Variants in NUGGC observed in about 807,000 individuals in gnomAD.
NUGGC encodes the protein nuclear GTPase SLIP-GC.
NUGGC carries 58 observed loss-of-function variants against 92.6 expected under a neutral mutation model. The ratio of observed to expected loss-of-function variants is 0.63; its 90% confidence interval spans 0.51 to 0.78. The LOEUF (loss-of-function observed/expected upper bound fraction) is 0.78, where lower values mean the gene tolerates loss of function less well. Among genes scored for constraint, NUGGC ranks in the 30% least tolerant of loss-of-function variants. The probability of loss-of-function intolerance (pLI) is 0.00; values close to 1 mark genes in which losing one functional copy is unlikely to be tolerated. For synonymous variants in NUGGC, 376 were observed against 366.4 expected (o/e 1.03, Z -0.30); for missense variants, 925 against 964.6 (o/e 0.96, Z 0.54).
At chr8:28,034,597 T>G (rs1306042531) in intron 13 of NUGGC, among the ~76,000 whole-genome samples, 2 of 152,078 alleles carry the variant, frequency 1.3e-5, no homozygotes, top group African/African-American at 4.8e-5. Context: ...AGGTGGATCA[T>G]CTGAGGTCAG....
At position 28,047,448 on chromosome 8, in the gene NUGGC, G is replaced by A. The variant is rs948945934; in HGVS notation, c.1312+59C>T. On this transcript the variant is annotated intron_variant, in intron 11 of 18. Coordinates refer to ENST00000413272, the MANE Select transcript of NUGGC (RefSeq NM_001010906.2). ...CAAAAAGTTCTAGAGCAGGAAATTC[G>A]AAGTGCCAAGCTTGATCTTGAGAAT... The A allele has an allele frequency of 4.1e-5, 45 of 1,101,090 alleles. No individual in the cohort carries two copies. In the Admixed American group the frequency reaches 4.2e-4, roughly 10 times the overall value. The allele number at this position is 1,101,090 out of a possible 1,614,324, so 68.2% of individuals were successfully genotyped here. A position where few individuals can be genotyped will look rare whatever the true frequency, so the allele number is the denominator to read the frequency against.
intron 7 of NUGGC, among the ~76,000 whole-genome samples, chr8:28,062,824 A>G (rs1810339374): frequency 6.6e-6 from 1 of 152,194 alleles, no homozygotes; most frequent in Non-Finnish European, 1.5e-5. Context: ...GCAACCATAA[A>G]GGGTGCAGTG....
intron 13 of NUGGC, among the ~76,000 whole-genome samples, chr8:28,036,856 G>A (rs1416251984): frequency 6.6e-6 from 1 of 152,194 alleles, no homozygotes; most frequent in Non-Finnish European, 1.5e-5. Flanking sequence ...GCTTTAGTCA[G>A]GAGTAGGCCG....
chr8:28,068,905 T>A (rs374509132), intron 4 of NUGGC, among the ~76,000 whole-genome samples: 1 of 152,068 alleles, frequency 6.6e-6, no homozygotes, highest in South Asian at 2.1e-4. Context: ...CCTGGCTAAT[T>A]TTTTTGTATT....
At chr8:28,081,529 C>T (rs1189246927) in intron 1 of NUGGC, among the ~76,000 whole-genome samples, 2 of 152,038 alleles carry the variant, frequency 1.3e-5, no homozygotes, top group African/African-American at 2.4e-5. Flanking sequence ...ATTCTGACTC[C>T]CGTTCTTGTC....
intron 6 of NUGGC, among the ~76,000 whole-genome samples, 172 bp from the exon 7 acceptor site, chr8:28,064,903 C>T (rs1489403904): frequency 1.3e-5 from 2 of 152,044 alleles, no homozygotes; most frequent in Non-Finnish European, 2.9e-5. Flanking sequence ...CAGGAAGGAC[C>T]CTGGAGAGGA....
chr8:28,047,934 CA>C (rs1433152452), intron 10 of NUGGC, among the ~76,000 whole-genome samples: 4 of 152,144 alleles, frequency 2.6e-5, no homozygotes, highest in Non-Finnish European at 1.5e-5. Context: ...GATCCTTTCT[CA>C]AAAAAGAAAC....
chr8:28,045,392 C>T, intron 12 of NUGGC, 135 bp downstream of exon 12: 1 of 790,426 alleles, frequency 1.3e-6, no homozygotes, highest in Non-Finnish European at 1.9e-6. Context: ...TCTTTTTGTC[C>T]TTTTAGACTC....
chr8:28,048,041 C>T (rs1479824336), intron 10 of NUGGC, among the ~76,000 whole-genome samples: 1 of 152,182 alleles, frequency 6.6e-6, no homozygotes, highest in Non-Finnish European at 1.5e-5. Context: ...CATTCAGTGA[C>T]GTCACACTGG....
intron 13 of NUGGC, among the ~76,000 whole-genome samples, chr8:28,040,328 T>C (rs1809660345): frequency 6.6e-6 from 1 of 152,248 alleles, no homozygotes; most frequent in Non-Finnish European, 1.5e-5. Context: ...GGTTACAAGA[T>C]GTTTCCTCAT....
chr8:28,046,647 T>C (rs999032290), intron 11 of NUGGC, among the ~76,000 whole-genome samples: 3 of 151,524 alleles, frequency 2.0e-5, no homozygotes, highest in African/African-American at 7.3e-5. Flanking sequence ...TGCCTGAAGC[T>C]GGGTGGGAGG....
chr8:28,046,921 G>A (rs537277395), intron 11 of NUGGC, among the ~76,000 whole-genome samples: 43 of 151,940 alleles, frequency 2.8e-4, no homozygotes, highest in African/African-American at 8.7e-4. Flanking sequence ...AACCCACCTC[G>A]ACCTCCCAAA....
rs1176522817 is a variant in NUGGC at position 28,041,187 on chromosome 8, C to T, written c.1475G>A (p.Arg492Gln). The T allele has an allele frequency of 9.9e-6, 16 of 1,611,146 alleles. No homozygotes were observed. Among genetic ancestry groups the T allele is most frequent in the South Asian group, 6.7e-5 (6 of 90,028 alleles). ...CTCAACCTTCTCTTCCGCAAATCTC[C>T]GCAGGACACTCATGTGCAAGTGTTC... ...PNEHLHMSVL[R>Q]RFAEEKVELL... The change falls in exon 13 of 19, where the codon CGG (arginine) becomes CAG (glutamine). Residue 492 changes from arginine to glutamine, a missense_variant. Arg to Gln is a conservative substitution (Grantham distance 43, BLOSUM62 1). Coordinates refer to ENST00000413272, the MANE Select transcript of NUGGC (RefSeq NM_001010906.2).
rs1452771401 is a variant in NUGGC at position 28,070,244 on chromosome 8, ACACT to A, written c.148+4_148+7del. 1 of 1,538,218 alleles carries A rather than the reference ACACT, an allele frequency of 6.5e-7. No homozygotes were observed. The highest frequency in any genetic ancestry group is 8.8e-7 in the Non-Finnish European group (1 of 1,134,522). ...ACCATGTTAAAACAACAGTTCCAAG[ACACT>A]CACATTCCTTAAGAGCACTCTGCTC... On this transcript the variant is annotated splice_donor_5th_base_variant and intron_variant, in intron 3 of 18. Transcript: ENST00000413272.
intron 5 of NUGGC, 69 bp from the exon 6 acceptor site, chr8:28,067,813 C>A: frequency 8.1e-7 from 1 of 1,234,634 alleles, no homozygotes; most frequent in Non-Finnish European, 1.2e-6. Context: ...ACAGAGGGGC[C>A]CATTGCCCCC....
chr8:28,074,455 G>C lies in NUGGC; in HGVS notation c.-45C>G. Reference sequence around the variant, plus strand: ...TGCTCTTCTCAGTTCAGGAGAACCAGCCTGTGAAGACAAAGTACAAAGACA... The same window carrying C: ...TGCTCTTCTCAGTTCAGGAGAACCACCCTGTGAAGACAAAGTACAAAGACA... On this transcript the variant is annotated splice_region_variant and 5_prime_UTR_variant, in exon 2 of 19. Coordinates refer to ENST00000413272, the MANE Select transcript of NUGGC (RefSeq NM_001010906.2). The C allele has an allele frequency of 6.2e-7, 1 of 1,608,310 alleles. No individual in the cohort carries two copies. Among genetic ancestry groups the C allele is most frequent in the African/African-American group, 1.3e-5 (1 of 74,960 alleles).
At chr8:28,036,397 C>T (rs775016941) in intron 13 of NUGGC, among the ~76,000 whole-genome samples, 1 of 152,110 alleles carries the variant, frequency 6.6e-6, no homozygotes, top group Admixed American at 6.6e-5. Flanking sequence ...TCTCTCCACT[C>T]CTCCTCAATC....
At chr8:28,069,419 A>G (rs1810529221) in intron 4 of NUGGC, 125 bp downstream of exon 4, 2 of 606,132 alleles carry the variant, frequency 3.3e-6, no homozygotes, top group South Asian at 4.4e-5. Flanking sequence ...TAGCTACAGA[A>G]ATTTGTGTCC....
At position 28,068,296 on chromosome 8, in the gene NUGGC, T is replaced by A; in HGVS notation, c.400A>T (p.Ile134Leu). The A allele has an allele frequency of 1.9e-6, 3 of 1,552,518 alleles. No individual in the cohort carries two copies. The change falls in exon 5 of 19, where the codon ATA (isoleucine) becomes TTA (leucine). Residue 134 changes from isoleucine (I) to leucine (L), a missense_variant. Ile to Leu is a conservative substitution (Grantham distance 5). Coordinates refer to ENST00000413272, the MANE Select transcript of NUGGC (RefSeq NM_001010906.2). ...ACTTGTACAATGCAGGAAGTACATA[T>A]GCTTTCTCCAGACACTGGTAGAAAC... is the stretch of plus-strand genomic sequence containing the variant. ...AMFLPVSGES[I>L]CTSCIVQVSS... is the part of the protein sequence containing the mutation.
Sources: gnomAD v4.1 joint callset for allele counts (sites outside exome capture counted in the v4.1 genomes callset) on GRCh38, gnomAD v4.1.1 for gene constraint, MANE v1.5 for transcripts, NCBI Gene and HGNC (gene_info 2026-07-23, HGNC 2026-07-21) for gene names.